Variants in SHPK observed in about 807,000 individuals in gnomAD.
SHPK encodes the protein sedoheptulokinase.
Under a neutral mutation model 46.3 loss-of-function variants are expected in SHPK, and 51 were observed. The ratio of observed to expected loss-of-function variants is 1.10; its 90% CI spans 0.88 to 1.39. The LOEUF (loss-of-function observed/expected upper bound fraction) is 1.39, where lower values mean the gene tolerates loss of function less well. Among genes scored for constraint, SHPK ranks in the 40% most tolerant of loss-of-function variants. SHPK has a pLI of 0.00. For missense variants in SHPK, 668 were observed against 641.3 expected, an observed-to-expected ratio of 1.04 and a Z score of -0.45; for synonymous variants, 290 against 273.9, an observed-to-expected ratio of 1.06 and a Z score of -0.58.
chr17:3,624,723 G>T (rs193132464), intron 2 of SHPK, among the ~76,000 whole-genome samples: 4 of 151,860 alleles, frequency 2.6e-5, no homozygotes, highest in Non-Finnish European at 4.4e-5. Flanking sequence ...GCATGATCCC[G>T]GCTCACTGCA....
intron 2 of SHPK, among the ~76,000 whole-genome samples, chr17:3,629,490 G>GGAAACC: frequency 6.6e-6 from 1 of 152,112 alleles, no homozygotes; most frequent in African/African-American, 2.4e-5. Flanking sequence ...CAGCACTTTG[G>GGAAACC]GAGGCTGCCG....
intron 1 of SHPK, among the ~76,000 whole-genome samples, chr17:3,631,184 C>T (rs924355971): frequency 6.6e-6 from 1 of 152,056 alleles, no homozygotes; most frequent in Non-Finnish European, 1.5e-5. Flanking sequence ...ACAGGGGAAG[C>T]ACAGCCTTTT....
intron 1 of SHPK, among the ~76,000 whole-genome samples, chr17:3,632,082 A>T (rs779188525): frequency 1.2e-4 from 18 of 150,722 alleles, no homozygotes; most frequent in Non-Finnish European, 2.4e-4. Context: ...TCAGCCTCCC[A>T]AGTACCTGGG....
intron 4 of SHPK, 149 bp from the exon 5 acceptor site, chr17:3,621,561 C>T (rs222784): frequency 0.11 from 70,421 of 641,964 alleles, 4,925 homozygotes; most frequent in East Asian, 0.24. Context: ...TTTACTCCTT[C>T]CCTCTTTCCC....
chr17:3,635,427 G>A (rs1033404638), intron 1 of SHPK, among the ~76,000 whole-genome samples: 2 of 152,064 alleles, frequency 1.3e-5, no homozygotes, highest in Non-Finnish European at 2.9e-5. Flanking sequence ...AGTACAGACG[G>A]GGTTTCACCG....
chr17:3,633,267 C>T (rs1002316217), intron 1 of SHPK, among the ~76,000 whole-genome samples: 2 of 151,892 alleles, frequency 1.3e-5, no homozygotes, highest in African/African-American at 4.8e-5. Context: ...AGGCAAGAGC[C>T]ACCGCGCCCG....
Position 3,609,410 on chromosome 17 carries a change from C to T in SHPK, c.*1150G>A, listed in dbSNP as rs1360214450. The T allele has an allele frequency of 2.0e-5, 3 of 151,966 alleles. No individual in the cohort carries two copies. The highest frequency in any genetic ancestry group is 7.3e-5 in the African/African-American group (3 of 41,348). The allele number at this position is 151,966 out of a possible 1,614,324, so 9.4% of individuals were successfully genotyped here. A position where few individuals can be genotyped will look rare whatever the true frequency, so the allele number is the denominator to read the frequency against. ...TGACTCTGGGCCAGGCCTGCCTGAG[C>T]CTGGGCTCCTTTGGGAGTCTAGAAG... On this transcript the variant is annotated 3_prime_UTR_variant, in exon 7 of 7. Transcript: ENST00000225519.
At chr17:3,619,798 G>T in intron 5 of SHPK, 2 of 454,366 alleles carry the variant, frequency 4.4e-6, no homozygotes, top group South Asian at 3.4e-5. Flanking sequence ...ACTTAATTCT[G>T]ACCATCCTGC....
chr17:3,626,051 T>G (rs1375544630), intron 2 of SHPK, among the ~76,000 whole-genome samples: 1 of 152,088 alleles, frequency 6.6e-6, no homozygotes, highest in Non-Finnish European at 1.5e-5. Flanking sequence ...AGGCTCCATC[T>G]CAGAAAAACA....
At chr17:3,631,229 TACATGC>T (rs1172885391) in intron 1 of SHPK, among the ~76,000 whole-genome samples, 2 of 150,174 alleles carry the variant, frequency 1.3e-5, no homozygotes, top group African/African-American at 4.9e-5. Context: ...ACAAGGATTC[TACATGC>T]AAGAGAGGCC....
intron 1 of SHPK, among the ~76,000 whole-genome samples, chr17:3,634,613 G>T (rs1464781339): frequency 1.4e-5 from 2 of 147,870 alleles, no homozygotes; most frequent in Non-Finnish European, 3.0e-5. Flanking sequence ...TATTTCAGGA[G>T]AAACTGGCAC....
intron 5 of SHPK, among the ~76,000 whole-genome samples, chr17:3,618,520 G>T (rs1034923977): frequency 7.2e-5 from 11 of 152,048 alleles, no homozygotes; most frequent in African/African-American, 1.2e-4. Context: ...AGTGGCTCAC[G>T]CCTGTAATCC....
At chr17:3,635,695 A>G (rs1022943947) in intron 1 of SHPK, among the ~76,000 whole-genome samples, 3 of 152,170 alleles carry the variant, frequency 2.0e-5, no homozygotes, top group Admixed American at 1.3e-4. Context: ...AGGAGCGGAG[A>G]GCAGCAAGAG....
At chr17:3,635,674 G>C (rs2075516174) in intron 1 of SHPK, among the ~76,000 whole-genome samples, 1 of 152,228 alleles carries the variant, frequency 6.6e-6, no homozygotes. Flanking sequence ...TGAGGTCACA[G>C]GGCAGGTGTG....
chr17:3,635,182 A>G (rs1466749260), intron 1 of SHPK, among the ~76,000 whole-genome samples: 1 of 52,244 alleles, frequency 1.9e-5, no homozygotes, highest in Non-Finnish European at 4.4e-5. Context: ...AAAGAGAAAG[A>G]AAGGAAAGAA....
intron 5 of SHPK, among the ~76,000 whole-genome samples, chr17:3,616,123 A>C (rs924681366): frequency 6.6e-6 from 1 of 152,078 alleles, no homozygotes; most frequent in African/African-American, 2.4e-5. Context: ...AAGTGTTCGG[A>C]TTACAGGTGT....
intron 5 of SHPK, among the ~76,000 whole-genome samples, chr17:3,618,478 C>T (rs1343731427): frequency 6.6e-6 from 1 of 151,852 alleles, no homozygotes. Flanking sequence ...GTGTATATAC[C>T]ACATTATAAA....
chr17:3,623,523 T>G, intron 3 of SHPK, 32 bp from the exon 4 acceptor site: 1 of 1,610,964 alleles, frequency 6.2e-7, no homozygotes, highest in Non-Finnish European at 8.5e-7. Flanking sequence ...ACCAACACGG[T>G]ATAACATGAA....
intron 6 of SHPK, among the ~76,000 whole-genome samples, chr17:3,615,136 G>A (rs186675577): frequency 2.6e-5 from 4 of 152,276 alleles, no homozygotes; most frequent in Admixed American, 2.6e-4. Flanking sequence ...GAAAAGAGTA[G>A]GTGATGGCAG....
Sources: gnomAD v4.1 joint callset for allele counts (sites outside exome capture counted in the v4.1 genomes callset) on GRCh38, gnomAD v4.1.1 for gene constraint, MANE v1.5 for transcripts, NCBI Gene and HGNC (gene_info 2026-07-23, HGNC 2026-07-21) for gene names.